MCC: variants seen among roughly 807,000 people sequenced by gnomAD.
MCC encodes MCC regulator of Wnt signaling pathway, also known as colorectal mutant cancer protein.
Under a neutral mutation model 116.2 loss-of-function variants are expected in MCC, and 90 were observed. The observed-to-expected ratio is 0.77, with a 90% CI of 0.65 to 0.92. The LOEUF (loss-of-function observed/expected upper bound fraction) is 0.92. MCC is among the 40% of genes least tolerant of loss of function. The pLI is 0.00. For missense variants in MCC, 1,516 were observed against 1,312.2 expected (o/e 1.16, Z -2.40); for synonymous variants, 578 against 510.5 (o/e 1.13, Z -1.78).
At chr5:113,307,505 A>G (rs1455687806) in intron 3 of MCC, among the ~76,000 whole-genome samples, 1 of 152,202 alleles carries the variant, frequency 6.6e-6, no homozygotes, top group Non-Finnish European at 1.5e-5. Flanking sequence ...GTATCTTGCA[A>G]GCTTGCTGAA....
chr5:113,391,910 T>G (rs1370889322), intron 1 of MCC, among the ~76,000 whole-genome samples: 3 of 152,122 alleles, frequency 2.0e-5, no homozygotes, highest in Non-Finnish European at 2.9e-5. Context: ...TCTGTACAAT[T>G]TTATTTTGTT....
intron 3 of MCC, among the ~76,000 whole-genome samples, chr5:113,314,513 T>G (rs763272556): frequency 3.3e-5 from 5 of 152,206 alleles, no homozygotes; most frequent in Non-Finnish European, 5.9e-5. Context: ...TATTGCTGAG[T>G]GCTCATGGTG....
At chr5:113,072,009 T>A (rs1027470756) in intron 11 of MCC, among the ~76,000 whole-genome samples, 3 of 152,222 alleles carry the variant, frequency 2.0e-5, no homozygotes, top group Non-Finnish European at 4.4e-5. Context: ...TCAGGGCAAA[T>A]GAGTCTGTGG....
At chr5:113,093,800 G>A (rs1333230350) in intron 8 of MCC, among the ~76,000 whole-genome samples, 1 of 152,142 alleles carries the variant, frequency 6.6e-6, no homozygotes, top group Non-Finnish European at 1.5e-5. Flanking sequence ...GGTGGCACCA[G>A]AGTCCTGAGC....
intron 3 of MCC, among the ~76,000 whole-genome samples, chr5:113,217,153 G>A (rs1419029971): frequency 1.3e-5 from 2 of 152,206 alleles, no homozygotes. Context: ...AAGCAGCTAG[G>A]TCTTATATTA....
intron 3 of MCC, chr5:113,269,146 A>G: frequency 7.1e-6 from 7 of 985,002 alleles, no homozygotes; most frequent in Non-Finnish European, 8.4e-6. Context: ...GGAGGGAGAC[A>G]AGGCAGAATA....
At position 113,027,346 on chromosome 5, in the gene MCC, C is replaced by CT. The variant is rs1211607670; in HGVS notation, c.3015dup (p.Glu1006ArgfsTer11). On this transcript the variant is annotated frameshift_variant, in exon 19 of 19. Transcript: ENST00000408903. LOFTEE classifies it high-confidence loss of function. ...GTGTGTGGCCTGGAGTTCTCCTCCTCTAGCAGAGCTATTCTTTGCTTGAGC... is the reference window on the plus strand; with the variant it reads ...GTGTGTGGCCTGGAGTTCTCCTCCTCTTAGCAGAGCTATTCTTTGCTTGAGC... 1 of 1,614,072 alleles carries CT rather than the reference C, an allele frequency of 6.2e-7. No homozygotes were observed. Among genetic ancestry groups the CT allele is most frequent in the East Asian group, 2.2e-5 (1 of 44,900 alleles).
rs1180966880 is a variant in MCC at position 113,104,211 on chromosome 5, T to C, written c.1172A>G (p.His391Arg). The C allele has an allele frequency of 6.2e-7, 1 of 1,613,250 alleles. No individual in the cohort carries two copies. The change falls in exon 7 of 19, where the codon CAC (histidine) becomes CGC (arginine). Residue 391 changes from histidine (H) to arginine (R), a missense_variant. Physicochemically the swap from His to Arg is conservative, Grantham distance 29 (BLOSUM62 0). Transcript: ENST00000408903. ...GTCTACCTTAATAGCCAGGTCACAG[T>C]GCTCGCTGGCTGTGGTGAGCTGCTC... ...HIEQLTTASEHCDLAIKTVEE... is the reference protein window; with the variant it reads ...HIEQLTTASERCDLAIKTVEE...
intron 17 of MCC, among the ~76,000 whole-genome samples, chr5:113,038,713 G>C (rs1019210593): frequency 3.9e-5 from 6 of 151,968 alleles, no homozygotes; most frequent in African/African-American, 9.7e-5. Flanking sequence ...GACCAGACAA[G>C]GCCCTCCTGC....
intron 5 of MCC, among the ~76,000 whole-genome samples, chr5:113,142,393 T>A (rs1259058653): frequency 1.3e-5 from 2 of 151,842 alleles, no homozygotes; most frequent in African/African-American, 4.8e-5. Context: ...CGGCTTAGTG[T>A]CATTTAAAGC....
At chr5:113,370,694 C>G (rs1768817047) in intron 2 of MCC, among the ~76,000 whole-genome samples, 1 of 152,160 alleles carries the variant, frequency 6.6e-6, no homozygotes, top group South Asian at 2.1e-4. Context: ...ATTTAGTCAT[C>G]AGCACTGAAA....
At chr5:113,186,933 A>C (rs772447094) in intron 3 of MCC, among the ~76,000 whole-genome samples, 5 of 152,196 alleles carry the variant, frequency 3.3e-5, no homozygotes, top group Admixed American at 6.5e-5. Context: ...GCCCAGGGAT[A>C]CTGCTAAACA....
intron 3 of MCC, among the ~76,000 whole-genome samples, chr5:113,223,987 C>G (rs902792532): frequency 2.0e-4 from 30 of 152,278 alleles, no homozygotes; most frequent in Middle Eastern, 3.4e-3. Context: ...CTACACCAAC[C>G]AGCAACACTT....
At chr5:113,233,021 G>C (rs1763993116) in intron 3 of MCC, among the ~76,000 whole-genome samples, 1 of 152,080 alleles carries the variant, frequency 6.6e-6, no homozygotes, top group South Asian at 2.1e-4. Flanking sequence ...CTTGTTACAG[G>C]GCTAAATGAA....
chr5:113,122,847 G>C, intron 5 of MCC, 21 bp from the exon 6 acceptor site: 1 of 1,613,600 alleles, frequency 6.2e-7, no homozygotes, highest in Non-Finnish European at 8.5e-7. Context: ...AGGAGAATTG[G>C]CAACCACTAA....
At chr5:113,076,468 G>C (rs1486596746) in intron 11 of MCC, among the ~76,000 whole-genome samples, 2 of 152,216 alleles carry the variant, frequency 1.3e-5, no homozygotes, top group African/African-American at 4.8e-5. Context: ...TTTCTTGGGA[G>C]AAACTCTAAA....
chr5:113,171,418 C>T (rs1050829216), intron 3 of MCC, among the ~76,000 whole-genome samples: 5 of 151,680 alleles, frequency 3.3e-5, no homozygotes, highest in African/African-American at 7.3e-5. Flanking sequence ...TGTAGTGCCA[C>T]GACTCGGCTA....
intron 5 of MCC, among the ~76,000 whole-genome samples, chr5:113,136,338 A>T (rs1254900205): frequency 6.6e-6 from 1 of 152,184 alleles, no homozygotes; most frequent in Non-Finnish European, 1.5e-5. Flanking sequence ...AGAGATCTGA[A>T]ATAAGAAAAT....
chr5:113,426,321 C>T (rs1253010194), intron 1 of MCC, among the ~76,000 whole-genome samples: 6 of 152,252 alleles, frequency 3.9e-5, no homozygotes, highest in Admixed American at 2.6e-4. Flanking sequence ...AGTAAGTCAA[C>T]ACTGGATCTG....
Sources: allele counts gnomAD v4.1 joint callset (sites outside exome capture counted in the v4.1 genomes callset), GRCh38; gene constraint gnomAD v4.1.1; transcripts MANE v1.5; gene names NCBI Gene and HGNC (gene_info 2026-07-23, HGNC 2026-07-21).